The following SYNPR variants were observed in gnomAD, a reference collection of about 807,000 sequenced individuals.
SYNPR encodes synaptoporin.
In SYNPR, 23 loss-of-function variants were observed where a neutral mutation model predicts 32.9. That is an observed-to-expected ratio of 0.70 (90% CI 0.50 to 0.99). SYNPR has a LOEUF of 0.99. Among genes scored for constraint, SYNPR ranks in the 50% least tolerant of loss-of-function variants. The pLI is 0.00. For synonymous variants in SYNPR, 146 were observed against 135.9 expected (o/e 1.07, Z -0.52); for missense variants, 318 against 349.3 (o/e 0.91, Z 0.71).
intron 2 of SYNPR, among the ~76,000 whole-genome samples, chr3:63,390,027 G>A (rs1379049918): frequency 6.6e-6 from 1 of 152,160 alleles, no homozygotes; most frequent in Non-Finnish European, 1.5e-5. Context: ...ACCTATGAAA[G>A]CCTTTAAATT....
chr3:63,447,828 T>C (rs1700306786), intron 2 of SYNPR, among the ~76,000 whole-genome samples: 1 of 152,234 alleles, frequency 6.6e-6, no homozygotes, highest in Middle Eastern at 3.4e-3. Context: ...TTTCTTATAG[T>C]TTCTAGAAAG....
intron 4 of SYNPR, among the ~76,000 whole-genome samples, chr3:63,604,871 A>G (rs1448941095): frequency 1.3e-5 from 2 of 152,226 alleles, no homozygotes; most frequent in East Asian, 1.9e-4. Flanking sequence ...TATTTGCTCT[A>G]ATTATAAAAT....
rs537674781 is a variant in SYNPR, at chr3:63,413,866, A to G, written c.85-66966A>G. Among the ~76,000 whole-genome samples, 20 of 152,098 alleles carry G rather than the reference A, an allele frequency of 1.3e-4. No homozygotes were observed. The South Asian group carries it at 2.5e-3, about 19-fold the overall frequency. ...AAGGATAATGGAGGAGTTGAACATT[A>G]TCAAAAAAAATGATATTTTAGAAGC... On this transcript the variant is annotated intron_variant, in intron 2 of 5. Coordinates refer to ENST00000478300, the MANE Select transcript of SYNPR (RefSeq NM_001130003.2).
At chr3:63,448,612 C>T (rs1284183993) in intron 2 of SYNPR, among the ~76,000 whole-genome samples, 1 of 151,702 alleles carries the variant, frequency 6.6e-6, no homozygotes, top group Non-Finnish European at 1.5e-5. Flanking sequence ...AGAGGAAAAA[C>T]ATTTTTTTTT....
At chr3:63,246,334 A>T (rs2086290156) in intron 1 of SYNPR, among the ~76,000 whole-genome samples, 1 of 152,058 alleles carries the variant, frequency 6.6e-6, no homozygotes, top group South Asian at 2.1e-4. Context: ...TGGAGGTGTG[A>T]TTGTACTTGT....
At chr3:63,356,810 GA>G (rs1395247583) in intron 2 of SYNPR, among the ~76,000 whole-genome samples, 2 of 152,186 alleles carry the variant, frequency 1.3e-5, no homozygotes, top group Non-Finnish European at 1.5e-5. Flanking sequence ...GGAAAAGGAA[GA>G]ATTTTTCTCA....
intron 3 of SYNPR, among the ~76,000 whole-genome samples, chr3:63,529,773 C>A (rs1025929669): frequency 1.3e-5 from 2 of 152,196 alleles, no homozygotes; most frequent in Admixed American, 6.5e-5. Context: ...AGGCCATGAA[C>A]TAGGAGGCCC....
chr3:63,565,467 T>C (rs957086173), intron 4 of SYNPR, among the ~76,000 whole-genome samples: 1 of 152,128 alleles, frequency 6.6e-6, no homozygotes, highest in Non-Finnish European at 1.5e-5. Flanking sequence ...CGTCCTCACG[T>C]GGTAGAAGGC....
chr3:63,338,030 C>T (rs2087317361), intron 2 of SYNPR, among the ~76,000 whole-genome samples: 1 of 152,028 alleles, frequency 6.6e-6, no homozygotes, highest in African/African-American at 2.4e-5. Context: ...TAATAATGTA[C>T]CAATATGGGT....
At chr3:63,509,869 G>A (rs923976644) in intron 3 of SYNPR, among the ~76,000 whole-genome samples, 14 of 151,962 alleles carry the variant, frequency 9.2e-5, no homozygotes, top group Admixed American at 4.6e-4. Context: ...ACATTATAAC[G>A]CAGTTTTCAC....
In SYNPR at chr3:63,278,685, T is replaced by G. The variant is rs1415515879; in HGVS notation, c.27T>G (p.Ser9=). 6.4e-7 allele frequency: 1 copy of G among 1,551,710 alleles called. No individual in the cohort carries two copies. The highest frequency in any genetic ancestry group is 1.4e-5 in the African/African-American group (1 of 73,176). ...GCCTCATTCCCCCAAAGCTGGCCTCTGCGGGCACCTTCCGGGTGCTGAAGG... is the reference window on the plus strand; with the variant it reads ...GCCTCATTCCCCCAAAGCTGGCCTCGGCGGGCACCTTCCGGGTGCTGAAGG... The part of the protein sequence containing the change: MDPVSQLA[S]AGTFRVLKEP... The change falls in exon 2 of 6, where the codon TCT becomes TCG. Residue 9 remains serine, a synonymous_variant. Transcript: ENST00000478300.
chr3:63,507,535 T>C (rs1016166951), intron 3 of SYNPR, among the ~76,000 whole-genome samples: 1 of 152,192 alleles, frequency 6.6e-6, no homozygotes, highest in African/African-American at 2.4e-5. Context: ...AATTAGGGAC[T>C]GTCACAGATT....
intron 3 of SYNPR, among the ~76,000 whole-genome samples, chr3:63,498,377 C>T (rs910547000): frequency 2.6e-5 from 4 of 152,144 alleles, no homozygotes; most frequent in Admixed American, 2.0e-4. Flanking sequence ...TGATTGGGGC[C>T]TTCTCATGGA....
At chr3:63,345,592 CT>C (rs778731251) in intron 2 of SYNPR, among the ~76,000 whole-genome samples, 23 of 152,106 alleles carry the variant, frequency 1.5e-4, no homozygotes, top group Admixed American at 1.2e-3. Flanking sequence ...TGGGACCTCA[CT>C]TTCTCCCTCT....
intron 2 of SYNPR, among the ~76,000 whole-genome samples, chr3:63,341,387 G>A (rs1361590904): frequency 1.3e-5 from 2 of 152,130 alleles, no homozygotes; most frequent in African/African-American, 2.4e-5. Flanking sequence ...ACAATTGCTC[G>A]ATCCTATAGT....
At chr3:63,310,192 C>T (rs1309762705) in intron 2 of SYNPR, among the ~76,000 whole-genome samples, 1 of 151,940 alleles carries the variant, frequency 6.6e-6, no homozygotes, top group Non-Finnish European at 1.5e-5. Context: ...TCATTCTCAT[C>T]TCTCTCACCT....
chr3:63,274,088 T>G (rs1424245265), upstream of SYNPR, among the ~76,000 whole-genome samples: 3 of 152,244 alleles, frequency 2.0e-5, no homozygotes, highest in Non-Finnish European at 4.4e-5. Flanking sequence ...AGCAGAGAGT[T>G]AAATATACAA....
At chr3:63,244,603 A>G (rs1003364994) in intron 1 of SYNPR, among the ~76,000 whole-genome samples, 7 of 152,026 alleles carry the variant, frequency 4.6e-5, no homozygotes, top group African/African-American at 1.7e-4. Flanking sequence ...AAAATGGCGC[A>G]TGCATTTTGT....
At chr3:63,240,528 C>T (rs2086232834) in intron 1 of SYNPR, among the ~76,000 whole-genome samples, 1 of 151,962 alleles carries the variant, frequency 6.6e-6, no homozygotes. Context: ...TTGTGTGGAG[C>T]AATGAATAAG....
Sources: allele counts gnomAD v4.1 joint callset (sites outside exome capture counted in the v4.1 genomes callset), GRCh38; gene constraint gnomAD v4.1.1; transcripts MANE v1.5; gene names NCBI Gene and HGNC (gene_info 2026-07-23, HGNC 2026-07-21).